The following NECAP1 variants were observed in gnomAD, a reference collection of about 807,000 sequenced individuals.
NECAP1 encodes the protein adaptin ear-binding coat-associated protein 1.
A neutral mutation model predicts 33.4 loss-of-function variants in NECAP1; 13 were observed. The observed-to-expected ratio is 0.39, with a 90% CI of 0.25 to 0.62. NECAP1 has a LOEUF of 0.62. Among genes scored for constraint, NECAP1 ranks in the 20% least tolerant of loss-of-function variants. NECAP1 has a pLI of 0.52. For missense variants in NECAP1, 272 were observed against 347.4 expected, an observed-to-expected ratio of 0.78 and a Z score of 1.73; for synonymous variants, 109 against 125.2, an observed-to-expected ratio of 0.87 and a Z score of 0.86.
At chr12:8,095,743 T>C in intron 7 of NECAP1, 40 bp downstream of exon 7, 3 of 1,532,106 alleles carry the variant, frequency 2.0e-6, no homozygotes, top group Non-Finnish European at 2.7e-6. Flanking sequence ...TCAATCAGGG[T>C]GTAGGAGATA....
intron 1 of NECAP1, chr12:8,089,726 C>G: frequency 1.9e-6 from 1 of 523,400 alleles, no homozygotes; most frequent in South Asian, 3.1e-5. Context: ...TATTGGACTC[C>G]AAAGTCCTCA....
At chr12:8,091,434 A>G (rs1263359743) in intron 3 of NECAP1, 2 of 300,396 alleles carry the variant, frequency 6.7e-6, no homozygotes, top group African/African-American at 2.2e-5. Flanking sequence ...GTTTTCCTGC[A>G]ACTAGACGGG....
At chr12:8,093,095 T>G (rs754301251) in intron 6 of NECAP1, 40 bp downstream of exon 6, 6 of 1,584,454 alleles carry the variant, frequency 3.8e-6, no homozygotes, top group Non-Finnish European at 5.2e-6. Flanking sequence ...TCCAATCTTA[T>G]GTTTTAATTA....
At chr12:8,091,390 A>T (rs1398709631) in intron 3 of NECAP1, 2 of 228,554 alleles carry the variant, frequency 8.8e-6, no homozygotes, top group African/African-American at 2.3e-5. Context: ...TATACAACTC[A>T]CTATAATGTA....
chr12:8,083,669 C>T (rs759835819), intron 1 of NECAP1, among the ~76,000 whole-genome samples: 1 of 149,874 alleles, frequency 6.7e-6, no homozygotes, highest in South Asian at 2.1e-4. Context: ...ACCTTGTGAT[C>T]TGCCCACCTT....
intron 1 of NECAP1, among the ~76,000 whole-genome samples, chr12:8,085,686 C>CTTCT (rs1947481617): frequency 4.5e-4 from 47 of 104,828 alleles, no homozygotes; most frequent in African/African-American, 1.4e-3. Context: ...ACTTAATCTT[C>CTTCT]TTTTTTTTTT....
chr12:8,090,331 G>T, intron 3 of NECAP1, 32 bp downstream of exon 3: 1 of 1,585,818 alleles, frequency 6.3e-7, no homozygotes, highest in Non-Finnish European at 8.7e-7. Context: ...GTGGAACGAA[G>T]TTAGGAAAAC....
At chr12:8,090,453 T>G in intron 3 of NECAP1, 154 bp downstream of exon 3, 1 of 634,852 alleles carries the variant, frequency 1.6e-6, no homozygotes, top group Non-Finnish European at 2.7e-6. Flanking sequence ...AGGAAAAGTA[T>G]TAACATGTTA....
chr12:8,095,796 A>G (rs1351603754), intron 7 of NECAP1, 93 bp downstream of exon 7: 1 of 1,304,156 alleles, frequency 7.7e-7, no homozygotes, highest in African/African-American at 1.5e-5. Flanking sequence ...AGCAATGGAT[A>G]TGCAGGTCAC....
chr12:8,094,935 C>A (rs1293550882), intron 6 of NECAP1, among the ~76,000 whole-genome samples: 1 of 152,206 alleles, frequency 6.6e-6, no homozygotes, highest in Non-Finnish European at 1.5e-5. Context: ...CCAGTCTGTT[C>A]TCCATCTTTA....
At chr12:8,088,330 C>G (rs1204153068) in intron 1 of NECAP1, among the ~76,000 whole-genome samples, 1 of 152,162 alleles carries the variant, frequency 6.6e-6, no homozygotes, top group Non-Finnish European at 1.5e-5. Context: ...CTTCTCATCT[C>G]AATAATTGGC....
intron 1 of NECAP1, chr12:8,082,672 C>G: frequency 2.5e-6 from 1 of 402,330 alleles, no homozygotes. Flanking sequence ...TGCTCCCCAT[C>G]ATGCACTTTC....
chr12:8,095,865 A>G (rs77020507), intron 7 of NECAP1, 162 bp downstream of exon 7: 3 of 1,074,536 alleles, frequency 2.8e-6, no homozygotes, highest in African/African-American at 3.2e-5. Context: ...GAATGGGGGG[A>G]CAAAAAAGCT....
rs879405995 is a variant in NECAP1, at chr12:8,092,464, C to T, written c.384-212C>T. 4.1e-5 allele frequency: 21 copies of T among 512,860 alleles called. No homozygotes were observed. The Admixed American group carries it at 4.9e-4, about 12-fold the overall frequency. The allele number at this position is 512,860 out of a possible 1,614,324, so 31.8% of individuals were successfully genotyped here. On this transcript the variant is annotated intron_variant, in intron 4 of 7. Transcript: ENST00000339754. ...CCTTCTGGAAGGGGCAATTCTAATA[C>T]GTATTCCGTGAGATTTCTCAGAGAG... is the stretch of plus-strand genomic sequence containing the variant.
chr12:8,095,286 G>A (rs1257415336), intron 6 of NECAP1: 1 of 151,642 alleles, frequency 6.6e-6, no homozygotes, highest in Non-Finnish European at 1.4e-5. Context: ...CTGTCGCCCA[G>A]GCCGGACTGC....
Position 8,096,279 on chromosome 12 carries a change from A to C in NECAP1, c.*189A>C, listed in dbSNP as rs1947593576. On this transcript the variant is annotated 3_prime_UTR_variant, in exon 8 of 8. Coordinates refer to ENST00000339754, the MANE Select transcript of NECAP1 (RefSeq NM_015509.4). ...CCCTGTGTTGTTACTTGTACAGCCA[A>C]GAAAGTATCTGTTATCTCCTGCGTA... The C allele has an allele frequency of 3.4e-6, 2 of 596,078 alleles. No homozygotes were observed. Among genetic ancestry groups the C allele is most frequent in the African/African-American group, 1.8e-5 (1 of 54,124 alleles). The allele number at this position is 596,078 out of a possible 1,614,324, so 36.9% of individuals were successfully genotyped here.
At chr12:8,087,290 A>G (rs929791747) in intron 1 of NECAP1, among the ~76,000 whole-genome samples, 32 of 151,694 alleles carry the variant, frequency 2.1e-4, no homozygotes, top group Non-Finnish European at 4.7e-4. Context: ...TTTTATTACT[A>G]AGGTAAATGA....
rs774383555 is a variant in NECAP1, at chr12:8,092,926, G to A, written c.547G>A (p.Gly183Ser). 4 of 1,598,380 alleles carry A rather than the reference G, an allele frequency of 2.5e-6. No individual in the cohort carries two copies. In the East Asian group the frequency reaches 6.7e-5, roughly 27 times the overall value. Residue 183 changes from glycine (G) to serine (S), a missense_variant, in exon 6 of 8, where the codon GGT (glycine) becomes AGT (serine). By Grantham distance (56) the Gly-to-Ser change is moderately conservative. Transcript: ENST00000339754. Reference protein sequence around the residue: ...ASKPRTARGGGLSLLPPPPGG... With the variant: ...ASKPRTARGGSLSLLPPPPGG... ...TAAGCCCAGGACTGCAAGGGGTGGG[G>A]GTCTGAGCTTACTCCCACCCCCGCC... is the stretch of plus-strand genomic sequence containing the variant.
At chr12:8,084,360 C>T (rs536244131) in intron 1 of NECAP1, among the ~76,000 whole-genome samples, 140 of 152,204 alleles carry the variant, frequency 9.2e-4, no homozygotes, top group Non-Finnish European at 1.3e-3. Context: ...TTAAACATCA[C>T]CTTCTTTGGG....
Sources: gnomAD v4.1 joint callset for allele counts (sites outside exome capture counted in the v4.1 genomes callset) on GRCh38, gnomAD v4.1.1 for gene constraint, MANE v1.5 for transcripts, NCBI Gene and HGNC (gene_info 2026-07-23, HGNC 2026-07-21) for gene names.